THEMIS: variants seen among roughly 807,000 people sequenced by gnomAD.
THEMIS encodes the protein protein THEMIS.
In THEMIS, 37 loss-of-function variants were observed where a neutral mutation model predicts 52.6. That is an observed-to-expected ratio of 0.70 (90% CI 0.54 to 0.93). THEMIS has a LOEUF of 0.93. THEMIS is among the 40% of genes least tolerant of loss of function. THEMIS has a pLI of 0.00. For missense variants in THEMIS, 808 were observed against 763.1 expected (o/e 1.06, Z -0.69); for synonymous variants, 292 against 272.7 (o/e 1.07, Z -0.70).
At chr6:127,844,837 A>G (rs1036121662) in intron 2 of THEMIS, among the ~76,000 whole-genome samples, 1 of 152,056 alleles carries the variant, frequency 6.6e-6, no homozygotes, top group Admixed American at 6.6e-5. Context: ...CAAGATTGGC[A>G]TGTTTTCTAG....
intron 2 of THEMIS, among the ~76,000 whole-genome samples, chr6:127,838,904 G>A (rs913322229): frequency 5.9e-5 from 9 of 152,040 alleles, no homozygotes; most frequent in Admixed American, 5.9e-4. Context: ...ATAACAACTA[G>A]TACCACTATT....
upstream of THEMIS, among the ~76,000 whole-genome samples, chr6:127,905,640 C>T (rs77892246): frequency 0.018 from 2,674 of 152,018 alleles, 85 homozygotes; most frequent in African/African-American, 0.06. Context: ...TTGAATATAT[C>T]TGCACTATAT....
intron 4 of THEMIS, among the ~76,000 whole-genome samples, chr6:127,808,981 G>C (rs1222232172): frequency 1.3e-5 from 2 of 152,136 alleles, no homozygotes; most frequent in African/African-American, 4.8e-5. Context: ...CTTACTCTTA[G>C]ATTGCCCATA....
intron 2 of THEMIS, among the ~76,000 whole-genome samples, chr6:127,848,135 C>T (rs1194005602): frequency 1.5e-5 from 2 of 135,796 alleles, no homozygotes; most frequent in Non-Finnish European, 3.1e-5. Context: ...CATGTGTTCT[C>T]ATTGTTCAAT....
chr6:127,857,015 T>C (rs1455435839), intron 1 of THEMIS, among the ~76,000 whole-genome samples: 1 of 151,944 alleles, frequency 6.6e-6, no homozygotes, highest in African/African-American at 2.4e-5. Context: ...ATTGCATTAC[T>C]TTCTTGTATG....
At chr6:127,904,818 C>A (rs1470310374), upstream of THEMIS, among the ~76,000 whole-genome samples, 4 of 151,924 alleles carry the variant, frequency 2.6e-5, no homozygotes, top group East Asian at 7.8e-4. Context: ...GATGAAAATT[C>A]TAGAGTTAAA....
chr6:127,902,475 C>T (rs77837951), upstream of THEMIS, among the ~76,000 whole-genome samples: 3 of 144,576 alleles, frequency 2.1e-5, no homozygotes, highest in Non-Finnish European at 2.9e-5. Flanking sequence ...TAGCCACATA[C>T]AGAGGGTCAG....
chr6:127,893,780 A>T (rs1292406713), intron 1 of THEMIS, among the ~76,000 whole-genome samples: 1 of 152,138 alleles, frequency 6.6e-6, no homozygotes, highest in Non-Finnish European at 1.5e-5. Context: ...TCATCACCAC[A>T]GGACGGGTGG....
At chr6:127,746,394 C>T (rs1423461722) in intron 4 of THEMIS, among the ~76,000 whole-genome samples, 3 of 151,580 alleles carry the variant, frequency 2.0e-5, no homozygotes, top group African/African-American at 7.3e-5. Flanking sequence ...AGACACTGCT[C>T]TTTACTATAT....
chr6:127,775,603 A>AT (rs1313029841), intron 4 of THEMIS, among the ~76,000 whole-genome samples: 3 of 148,782 alleles, frequency 2.0e-5, no homozygotes, highest in Non-Finnish European at 4.5e-5. Context: ...CATTCCCTGA[A>AT]TTTTTTCCCA....
intron 1 of THEMIS, among the ~76,000 whole-genome samples, chr6:127,869,427 C>T (rs1369119234): frequency 6.6e-6 from 1 of 152,230 alleles, no homozygotes; most frequent in East Asian, 1.9e-4. Context: ...ACTGCCACTG[C>T]CCGACATCCA....
chr6:127,849,031 T>C (rs185500267), intron 2 of THEMIS, among the ~76,000 whole-genome samples: 7 of 152,154 alleles, frequency 4.6e-5, no homozygotes, highest in African/African-American at 1.7e-4. Flanking sequence ...ATTGCCTAGG[T>C]TTTCTTCTAG....
At chr6:127,756,354 T>C (rs777448851) in intron 4 of THEMIS, among the ~76,000 whole-genome samples, 1 of 152,222 alleles carries the variant, frequency 6.6e-6, no homozygotes, top group Non-Finnish European at 1.5e-5. Context: ...CAGTAGTTTG[T>C]ATGATAGTCT....
intron 4 of THEMIS, among the ~76,000 whole-genome samples, chr6:127,730,469 A>C (rs973619460): frequency 2.0e-5 from 3 of 149,814 alleles, no homozygotes; most frequent in Non-Finnish European, 3.0e-5. Context: ...AAGAAAGAGA[A>C]AGAGACAGAA....
intron 4 of THEMIS, among the ~76,000 whole-genome samples, chr6:127,734,934 T>C (rs1286535299): frequency 7.0e-6 from 1 of 142,024 alleles, no homozygotes; most frequent in African/African-American, 2.6e-5. Context: ...TGTGTGTGTG[T>C]GTGTATGTAT....
At position 127,865,764 on chromosome 6, in the gene THEMIS, T is replaced by C. The variant is rs201927748; in HGVS notation, c.92-10576A>G. 3.9e-5 allele frequency among the ~76,000 whole-genome samples: 6 copies of C among 152,160 alleles called. No homozygotes were observed. The East Asian group carries it at 9.6e-4, about 24-fold the overall frequency. On this transcript the variant is annotated intron_variant, in intron 1 of 5. Coordinates refer to ENST00000368248, the MANE Select transcript of THEMIS (RefSeq NM_001010923.3). ...GGTTGATAATCAGGTTTAACTATAC[T>C]GTAATTCATTTTGGCATTTCTGATT...
chr6:127,732,662 T>C (rs1429443807), intron 4 of THEMIS, among the ~76,000 whole-genome samples: 1 of 152,232 alleles, frequency 6.6e-6, no homozygotes, highest in Admixed American at 6.5e-5. Context: ...TAACATATTC[T>C]TTTGTGTCTG....
chr6:127,782,995 A>G (rs1330857369), intron 4 of THEMIS, among the ~76,000 whole-genome samples: 1 of 152,188 alleles, frequency 6.6e-6, no homozygotes, highest in Non-Finnish European at 1.5e-5. Context: ...AGTATACTAC[A>G]AGGCTATAGT....
chr6:127,782,238 T>C (rs879418048), intron 4 of THEMIS, among the ~76,000 whole-genome samples: 5 of 152,048 alleles, frequency 3.3e-5, no homozygotes, highest in African/African-American at 7.2e-5. Context: ...TTGGGCTCCA[T>C]GGGGGTGGGA....
Sources: gnomAD v4.1 joint callset for allele counts (sites outside exome capture counted in the v4.1 genomes callset) on GRCh38, gnomAD v4.1.1 for gene constraint, MANE v1.5 for transcripts, NCBI Gene and HGNC (gene_info 2026-07-23, HGNC 2026-07-21) for gene names.